MAP3K21: variants seen among roughly 807,000 people sequenced by gnomAD.
MAP3K21 encodes mitogen-activated protein kinase kinase kinase MLK4.
A neutral mutation model predicts 86.1 loss-of-function variants in MAP3K21; 63 were observed. The ratio of observed to expected loss-of-function variants is 0.73; its 90% CI spans 0.60 to 0.90. The LOEUF is 0.90. Among genes scored for constraint, MAP3K21 ranks in the 40% least tolerant of loss-of-function variants. The pLI is 0.00. For synonymous variants in MAP3K21, 558 were observed against 564.8 expected (o/e 0.99, Z 0.17); for missense variants, 1,220 against 1,367.7 (o/e 0.89, Z 1.70).
At chr1:233,329,611 G>A (rs1662773919) in intron 1 of MAP3K21, among the ~76,000 whole-genome samples, 2 of 151,586 alleles carry the variant, frequency 1.3e-5, no homozygotes, top group South Asian at 2.1e-4. Flanking sequence ...CCAAGATCGC[G>A]CCACTGCACT....
chr1:233,352,499 C>T (rs549348749), intron 2 of MAP3K21, among the ~76,000 whole-genome samples: 1 of 151,512 alleles, frequency 6.6e-6, no homozygotes, highest in Non-Finnish European at 1.5e-5. Flanking sequence ...GGCGTGATCT[C>T]GGCTCAGTGC....
chr1:233,359,939 TC>T (rs1341261411), intron 4 of MAP3K21, among the ~76,000 whole-genome samples: 1 of 152,258 alleles, frequency 6.6e-6, no homozygotes, highest in Non-Finnish European at 1.5e-5. Flanking sequence ...TTTTTTCTTT[TC>T]TGAAGTCTTA....
intron 2 of MAP3K21, among the ~76,000 whole-genome samples, chr1:233,348,631 C>T (rs1423549518): frequency 6.6e-6 from 1 of 152,052 alleles, no homozygotes; most frequent in East Asian, 1.9e-4. Flanking sequence ...GTCAGGGTTC[C>T]GATTTCTCTC....
intron 5 of MAP3K21, among the ~76,000 whole-genome samples, chr1:233,362,621 C>T (rs1663486314): frequency 6.6e-6 from 1 of 151,988 alleles, no homozygotes; most frequent in Non-Finnish European, 1.5e-5. Context: ...GAGCCAATGT[C>T]ATGTGGCATT....
Position 233,379,585 on chromosome 1 carries a change from G to A in MAP3K21, c.2579G>A (p.Ser860Asn), listed in dbSNP as rs780713959. 2 of 1,614,202 alleles carry A rather than the reference G, an allele frequency of 1.2e-6. No individual in the cohort carries two copies. The highest frequency in any genetic ancestry group is 2.2e-5 in the East Asian group (1 of 44,878). The change falls in exon 9 of 10, where the codon AGT (serine) becomes AAT (asparagine). Residue 860 changes from serine (S) to asparagine (N), a missense_variant. Around this residue, in one of 5 missense-constraint regions of MAP3K21, gnomAD observed 632 missense variants for 691.3 expected, o/e 0.91. Coordinates refer to ENST00000366624, the MANE Select transcript of MAP3K21 (RefSeq NM_032435.3). ...ALMPRLDTDC[S>N]VSRNLPSSFL... is the part of the protein sequence containing the mutation. Reference sequence around the variant, plus strand: ...ATGCCAAGACTTGACACTGATTGTAGTGTATCAAGAAACTTGCCGTCTTCC... The same window carrying A: ...ATGCCAAGACTTGACACTGATTGTAATGTATCAAGAAACTTGCCGTCTTCC...
At chr1:233,380,024 C>A (rs1313260298) in intron 9 of MAP3K21, among the ~76,000 whole-genome samples, 1 of 152,218 alleles carries the variant, frequency 6.6e-6, no homozygotes, top group Non-Finnish European at 1.5e-5. Flanking sequence ...GTTAGAACCA[C>A]GGATGAGTGG....
intron 1 of MAP3K21, among the ~76,000 whole-genome samples, chr1:233,342,366 G>C (rs899835692): frequency 1.3e-5 from 2 of 152,180 alleles, no homozygotes; most frequent in African/African-American, 4.8e-5. Context: ...ACAATCAAAT[G>C]AAATATTAAA....
chr1:233,328,410 G>A lies in MAP3K21; in HGVS notation c.382G>A (p.Glu128Lys). The A allele has an allele frequency of 3.3e-6, 5 of 1,492,870 alleles. No individual in the cohort carries two copies. The highest frequency in any genetic ancestry group is 4.4e-6 in the Non-Finnish European group (5 of 1,129,438). The allele number at this position is 1,492,870 out of a possible 1,614,324, so 92.5% of individuals were successfully genotyped here. A position where few individuals can be genotyped will look rare whatever the true frequency, so the allele number is the denominator to read the frequency against. ...HVAFERLELK[E>K]LIGAGGFGQV... is the part of the protein sequence containing the mutation. ...CGCCTTCGAGCGGCTGGAGCTGAAG[G>A]AGCTCATCGGCGCTGGGGGCTTCGG... Residue 128 changes from glutamate (E) to lysine (K), a missense_variant, in exon 1 of 10, where the codon GAG (glutamate) becomes AAG (lysine). Around this residue, in one of 5 missense-constraint regions of MAP3K21, gnomAD observed 369 missense variants for 385.3 expected, o/e 0.96. Transcript: ENST00000366624. This position sits in a 1 kb window ranked among gnomAD's most constrained non-coding sequence, Gnocchi z 8.7.
At chr1:233,364,475 T>C (rs992923734) in intron 5 of MAP3K21, among the ~76,000 whole-genome samples, 11 of 152,190 alleles carry the variant, frequency 7.2e-5, no homozygotes, top group Admixed American at 1.3e-4. Flanking sequence ...AAGAAGCTGA[T>C]GGAAAGGGAA....
In MAP3K21 at chr1:233,382,463, G is replaced by A. The variant is rs372556248; in HGVS notation, c.2863G>A (p.Asp955Asn). ...RRPASLRSRS[D>N]LPQAYPQTAV... is the part of the protein sequence containing the mutation. ...CCCTGCCTCCCTGAGAAGCCGCTCA[G>A]ATCTGCCTCAGGCTTACCCACAGAC... Residue 955 changes from aspartate (D) to asparagine (N), a missense_variant, in exon 10 of 10, where the codon GAT becomes AAT. By Grantham distance (23) the Asp-to-Asn change is conservative (BLOSUM62 1). Around this residue, in one of 5 missense-constraint regions of MAP3K21, gnomAD observed 632 missense variants for 691.3 expected, o/e 0.91. Transcript: ENST00000366624. 1.2e-6 allele frequency: 2 copies of A among 1,614,016 alleles called. No homozygotes were observed. Among genetic ancestry groups the A allele is most frequent in the Non-Finnish European group, 8.5e-7 (1 of 1,180,022 alleles).
intron 3 of MAP3K21, 120 bp from the exon 4 acceptor site, chr1:233,354,716 T>C (rs973212972): frequency 1.2e-6 from 1 of 807,546 alleles, no homozygotes; most frequent in Non-Finnish European, 2.1e-6. Flanking sequence ...ATACTATAAA[T>C]GGAAGCTTCC....
chr1:233,335,815 G>T (rs1044633215), intron 1 of MAP3K21, among the ~76,000 whole-genome samples: 1 of 152,228 alleles, frequency 6.6e-6, no homozygotes, highest in African/African-American at 2.4e-5. Context: ...ACATCTTAAC[G>T]TAGCATTTGT....
chr1:233,328,886 C>A lies in MAP3K21; in HGVS notation c.805+53C>A, dbSNP rs1365986303. 3.6e-6 allele frequency: 5 copies of A among 1,405,856 alleles called. No individual in the cohort carries two copies. Among genetic ancestry groups the A allele is most frequent in the African/African-American group, 1.5e-5 (1 of 67,104 alleles). The allele number at this position is 1,405,856 out of a possible 1,614,324, so 87.1% of individuals were successfully genotyped here. ...AAGACTACCTCCGTGCCAGCCCAGG[C>A]GGGCTCCACAGGACATAGTACCAGA... On this transcript the variant is annotated intron_variant, in intron 1 of 9. Transcript: ENST00000366624. The surrounding 1 kb of genome is among the most constrained non-coding windows in gnomAD (Gnocchi z 8.7).
intron 6 of MAP3K21, chr1:233,373,600 T>G (rs990522277): frequency 6.6e-6 from 1 of 152,324 alleles, no homozygotes; most frequent in Non-Finnish European, 1.5e-5. Context: ...AGCTGTTGGC[T>G]CAAGTTCTCC....
At chr1:233,382,206 C>G (rs1306263081) in intron 9 of MAP3K21, 99 bp from the exon 10 acceptor site, 1 of 1,034,840 alleles carries the variant, frequency 9.7e-7, no homozygotes, top group African/African-American at 1.6e-5. Context: ...TTAAAGCTAT[C>G]ACTTTGTTGA....
chr1:233,370,077 T>C (rs771764327), intron 5 of MAP3K21, among the ~76,000 whole-genome samples: 1 of 152,052 alleles, frequency 6.6e-6, no homozygotes, highest in Non-Finnish European at 1.5e-5. Context: ...GGGGGCCAAA[T>C]GTGGATGCAG....
intron 5 of MAP3K21, among the ~76,000 whole-genome samples, chr1:233,369,126 G>A (rs1257797104): frequency 6.7e-6 from 1 of 149,710 alleles, no homozygotes; most frequent in Non-Finnish European, 1.5e-5. Flanking sequence ...CTAGTGCAGA[G>A]ATGTAACCTG....
rs916063578 is a variant in MAP3K21, at chr1:233,364,174, G to A, written c.1552+1881G>A. ...TCTCTGGGGTTGGGTGTTGGGGGAA[G>A]GTCCTTTTCCAGGCTCTCTTCTGAT... On this transcript the variant is annotated intron_variant, in intron 5 of 9. Transcript: ENST00000366624. 5.4e-4 allele frequency among the ~76,000 whole-genome samples: 78 copies of A among 143,910 alleles called. 1 individual carries two copies. Among genetic ancestry groups the A allele is most frequent in the African/African-American group, 1.9e-3 (76 of 39,224 alleles). 94.4% of individuals were successfully genotyped at this position (143,910 alleles called of 152,430 possible).
intron 1 of MAP3K21, among the ~76,000 whole-genome samples, chr1:233,331,509 A>C (rs1662808676): frequency 6.6e-6 from 1 of 152,254 alleles, no homozygotes; most frequent in South Asian, 2.1e-4. Flanking sequence ...ACTTTTAAGT[A>C]TAACAGATAC....
Sources: allele counts gnomAD v4.1 joint callset (sites outside exome capture counted in the v4.1 genomes callset), GRCh38; gene constraint gnomAD v4.1.1; regional missense constraint gnomAD v4.1.1; non-coding constraint Gnocchi (gnomAD v3.1); transcripts MANE v1.5; gene names NCBI Gene and HGNC (gene_info 2026-07-23, HGNC 2026-07-21).